Variants in PDE8B observed in about 807,000 individuals in gnomAD.
PDE8B encodes phosphodiesterase 8B.
In PDE8B, 26 loss-of-function variants were observed where a neutral mutation model predicts 101.3. The ratio of observed to expected loss-of-function variants is 0.26; its 90% CI spans 0.19 to 0.36. The LOEUF is 0.36. PDE8B is among the 10% of genes least tolerant of loss of function. The pLI is 1.00. For missense variants in PDE8B, 810 were observed against 1,163.1 expected (o/e 0.70, Z 4.42); for synonymous variants, 424 against 429.3 (o/e 0.99, Z 0.15).
chr5:77,223,820 G>C (rs767943433), intron 1 of PDE8B, among the ~76,000 whole-genome samples: 1 of 152,218 alleles, frequency 6.6e-6, no homozygotes, highest in African/African-American at 2.4e-5. Context: ...CCCCTGCTAA[G>C]TGGCAGTGGT....
At chr5:77,265,546 A>G (rs1046451939) in intron 1 of PDE8B, among the ~76,000 whole-genome samples, 19 of 152,156 alleles carry the variant, frequency 1.2e-4, no homozygotes, top group African/African-American at 4.1e-4. Flanking sequence ...TTATTTTTAA[A>G]GGTTGGAGTA....
intron 1 of PDE8B, among the ~76,000 whole-genome samples, chr5:77,219,443 A>G (rs933345040): frequency 1.3e-5 from 2 of 152,204 alleles, no homozygotes; most frequent in African/African-American, 4.8e-5. Context: ...AAAGCAACCT[A>G]TCACCCAGGG....
chr5:77,314,756 A>T (rs934239594), intron 2 of PDE8B, among the ~76,000 whole-genome samples: 1 of 152,056 alleles, frequency 6.6e-6, no homozygotes, highest in Admixed American at 6.5e-5. Flanking sequence ...TTAGCTTTTT[A>T]AGATACTTCT....
the PDE8B span, among the ~76,000 whole-genome samples, chr5:77,156,221 ATGT>A: frequency 6.6e-6 from 1 of 152,138 alleles, no homozygotes. Context: ...TCTGTGGATA[ATGT>A]TCATGTAGCT....
chr5:77,169,341 G>A, the PDE8B span, among the ~76,000 whole-genome samples: 6 of 152,286 alleles, frequency 3.9e-5, no homozygotes, highest in African/African-American at 7.2e-5. Flanking sequence ...AGCCTAGAAC[G>A]GTGCTTCTCA....
chr5:77,363,849 G>A (rs570887376), intron 10 of PDE8B, among the ~76,000 whole-genome samples: 2 of 151,958 alleles, frequency 1.3e-5, no homozygotes, highest in Non-Finnish European at 2.9e-5. Flanking sequence ...CTTGAGCTGA[G>A]GGTACAGTTG....
chr5:77,291,955 A>G (rs1767452475), intron 1 of PDE8B, among the ~76,000 whole-genome samples: 1 of 152,130 alleles, frequency 6.6e-6, no homozygotes, highest in Admixed American at 6.5e-5. Context: ...GATTAAATCA[A>G]AAGACTCCTT....
the PDE8B span, among the ~76,000 whole-genome samples, chr5:77,129,652 C>A: frequency 6.6e-6 from 1 of 152,162 alleles, no homozygotes; most frequent in Non-Finnish European, 1.5e-5. Flanking sequence ...GTGGATTGGC[C>A]CTGATACTTG....
chr5:77,241,620 AG>A (rs1024214571), intron 1 of PDE8B, among the ~76,000 whole-genome samples: 1 of 152,154 alleles, frequency 6.6e-6, no homozygotes, highest in Non-Finnish European at 1.5e-5. Context: ...AGCTTGACCA[AG>A]GTCACACTGT....
At chr5:77,272,621 G>A (rs1008621041) in intron 1 of PDE8B, among the ~76,000 whole-genome samples, 2 of 152,220 alleles carry the variant, frequency 1.3e-5, no homozygotes, top group Non-Finnish European at 2.9e-5. Flanking sequence ...CTGGAAGGCT[G>A]TGGCTGGTAT....
the PDE8B span, among the ~76,000 whole-genome samples, chr5:77,159,216 C>T: frequency 4.2e-3 from 643 of 152,276 alleles, 6 homozygotes; most frequent in Non-Finnish European, 2.8e-3. Context: ...ATGGTTAATA[C>T]TGAGTGTCAA....
the PDE8B span, among the ~76,000 whole-genome samples, chr5:77,159,097 A>G: frequency 6.6e-6 from 1 of 152,116 alleles, no homozygotes; most frequent in Non-Finnish European, 1.5e-5. Flanking sequence ...TTGATTGACT[A>G]TGTCGCCCTC....
chr5:77,154,184 C>T, the PDE8B span, among the ~76,000 whole-genome samples: 1 of 152,218 alleles, frequency 6.6e-6, no homozygotes, highest in Non-Finnish European at 1.5e-5. Context: ...TCTTGCCTCT[C>T]ACCCAAATTG....
intron 18 of PDE8B, among the ~76,000 whole-genome samples, chr5:77,418,972 C>T (rs1796106627): frequency 6.6e-6 from 1 of 152,122 alleles, no homozygotes; most frequent in African/African-American, 2.4e-5. Context: ...ACAGCACCAG[C>T]CAGGCTGGTG....
At chr5:77,122,461 T>G in the PDE8B span, among the ~76,000 whole-genome samples, 1 of 152,188 alleles carries the variant, frequency 6.6e-6, no homozygotes, top group African/African-American at 2.4e-5. Flanking sequence ...TTTCTGCTAG[T>G]GCGTACATTC....
At chr5:77,422,996 T>C (rs1331401930) in intron 20 of PDE8B, among the ~76,000 whole-genome samples, 1 of 152,134 alleles carries the variant, frequency 6.6e-6, no homozygotes, top group African/African-American at 2.4e-5. Context: ...CAATAAGTAG[T>C]TTTTCAACCC....
At chr5:77,142,732 G>A in the PDE8B span, among the ~76,000 whole-genome samples, 12 of 152,036 alleles carry the variant, frequency 7.9e-5, no homozygotes, top group African/African-American at 2.7e-4. Flanking sequence ...TTATTATAAT[G>A]GCTTCCACAT....
the PDE8B span, among the ~76,000 whole-genome samples, chr5:77,162,775 T>G: frequency 6.6e-6 from 1 of 152,194 alleles, no homozygotes; most frequent in Non-Finnish European, 1.5e-5. Flanking sequence ...TCCGTGGCCC[T>G]GATTTACCAA....
At chr5:77,312,979 C>G (rs1299089914) in intron 2 of PDE8B, among the ~76,000 whole-genome samples, 1 of 152,122 alleles carries the variant, frequency 6.6e-6, no homozygotes, top group Non-Finnish European at 1.5e-5. Context: ...TTCCCGTGCC[C>G]CCTTAAGAGA....
Sources: gnomAD v4.1 joint callset for allele counts (sites outside exome capture counted in the v4.1 genomes callset) on GRCh38, gnomAD v4.1.1 for gene constraint, MANE v1.5 for transcripts, NCBI Gene and HGNC (gene_info 2026-07-23, HGNC 2026-07-21) for gene names.